Variants in LIMCH1 observed in about 807,000 individuals in gnomAD.
LIMCH1 encodes LIM and calponin homology domains-containing protein 1.
A neutral mutation model predicts 176.5 loss-of-function variants in LIMCH1; 113 were observed. The observed-to-expected ratio is 0.64, with a 90% CI of 0.55 to 0.75. The LOEUF is 0.75. LIMCH1 is among the 30% of genes least tolerant of loss of function. The pLI is 0.00. For missense variants in LIMCH1, 1,674 were observed against 1,814.9 expected (o/e 0.92, Z 1.41); for synonymous variants, 619 against 645.9 (o/e 0.96, Z 0.63).
At chr4:41,458,374 T>G (rs1433725110) in intron 1 of LIMCH1, among the ~76,000 whole-genome samples, 1 of 152,048 alleles carries the variant, frequency 6.6e-6, no homozygotes, top group African/African-American at 2.4e-5. Context: ...ACCTAGTAAT[T>G]GAATAGGGGT....
chr4:41,493,634 C>G lies in LIMCH1; in HGVS notation c.97-902C>G, dbSNP rs144219878. ...ATTTTTTATCAGAGACTTGAGCATT[C>G]ACAGATTTTGGTAGCCGAGATGGGT... On this transcript the variant is annotated intron_variant, in intron 1 of 26. Transcript: ENST00000313860. 4.1e-3 allele frequency among the ~76,000 whole-genome samples: 617 copies of G among 152,206 alleles called. 5 individuals are homozygous for G. Among genetic ancestry groups the G allele is most frequent in the African/African-American group, 0.014 (571 of 41,516 alleles).
In LIMCH1 at chr4:41,661,461, G is replaced by A; in HGVS notation, c.3078G>A (p.Lys1026=). Residue 1026 remains lysine (K), a synonymous_variant, in exon 19 of 32, where the codon AAG becomes AAA. Coordinates refer to ENST00000503057, the MANE Select transcript of LIMCH1 (RefSeq NM_001330672.2). ...EKTEPNSQED[K]NDGGKSRKGN... ...CGGAACCGAATAGTCAAGAGGACAA[G>A]AATGATGGTGGAAAATCAAGAAAAG... 6.2e-7 allele frequency: 1 copy of A among 1,613,344 alleles called. No homozygotes were observed. The highest frequency in any genetic ancestry group is 8.5e-7 in the Non-Finnish European group (1 of 1,179,716).
At chr4:41,484,238 A>G (rs147606818) in intron 1 of LIMCH1, among the ~76,000 whole-genome samples, 112 of 152,112 alleles carry the variant, frequency 7.4e-4, no homozygotes, top group Non-Finnish European at 1.3e-3. Context: ...CCATCAATCT[A>G]TTGTTTTCTA....
chr4:41,582,312 A>T (rs961600152), intron 1 of LIMCH1, among the ~76,000 whole-genome samples: 5 of 152,202 alleles, frequency 3.3e-5, no homozygotes, highest in African/African-American at 1.2e-4. Context: ...ACAGGCACAC[A>T]TGGAAAACTA....
intron 1 of LIMCH1, among the ~76,000 whole-genome samples, chr4:41,543,310 T>C (rs4438790): frequency 0.26 from 40,111 of 151,998 alleles, 5,576 homozygotes; most frequent in African/African-American, 0.31. Context: ...CATTTATAAG[T>C]TTAAACATAA....
chr4:41,365,824 C>T (rs2052883286), intron 1 of LIMCH1, among the ~76,000 whole-genome samples: 2 of 152,146 alleles, frequency 1.3e-5, no homozygotes, highest in South Asian at 2.1e-4. Context: ...AAAGGGGATG[C>T]GGAATGGGAG....
chr4:41,593,896 C>T (rs189060910), intron 1 of LIMCH1, among the ~76,000 whole-genome samples: 95 of 152,328 alleles, frequency 6.2e-4, no homozygotes, highest in Middle Eastern at 3.4e-3. Flanking sequence ...TTTGCTTTAT[C>T]TCTGTCTTCA....
intron 3 of LIMCH1, among the ~76,000 whole-genome samples, chr4:41,527,049 G>C (rs1310558295): frequency 6.6e-6 from 1 of 151,876 alleles, no homozygotes; most frequent in Non-Finnish European, 1.5e-5. Flanking sequence ...TGTCCATCAA[G>C]ATCTAACACA....
At chr4:41,367,303 A>G (rs533345643) in intron 1 of LIMCH1, among the ~76,000 whole-genome samples, 4 of 152,336 alleles carry the variant, frequency 2.6e-5, no homozygotes, top group East Asian at 3.9e-4. Flanking sequence ...AACTTGGCTG[A>G]TACCTTTTCC....
At chr4:41,597,123 T>C (rs1432581564) in intron 1 of LIMCH1, among the ~76,000 whole-genome samples, 2 of 152,170 alleles carry the variant, frequency 1.3e-5, no homozygotes, top group African/African-American at 4.8e-5. Context: ...TCCATGGCCT[T>C]CGAGGCGTCT....
chr4:41,469,340 C>G (rs1437240998), intron 1 of LIMCH1, among the ~76,000 whole-genome samples: 1 of 152,188 alleles, frequency 6.6e-6, no homozygotes, highest in Non-Finnish European at 1.5e-5. Flanking sequence ...TCATACTATG[C>G]TGGTCTATTT....
At chr4:41,616,313 AG>A (rs2152808520) in intron 5 of LIMCH1, among the ~76,000 whole-genome samples, 1 of 152,156 alleles carries the variant, frequency 6.6e-6, no homozygotes, top group South Asian at 2.1e-4. Flanking sequence ...AGATCACCTG[AG>A]GTCAGGAGTT....
intron 1 of LIMCH1, among the ~76,000 whole-genome samples, chr4:41,481,924 C>T (rs1430510917): frequency 6.6e-6 from 1 of 151,464 alleles, no homozygotes; most frequent in African/African-American, 2.4e-5. Context: ...AATCTCAGCT[C>T]ACTGCAACCT....
At chr4:41,547,276 G>T (rs1238547867) in intron 1 of LIMCH1, among the ~76,000 whole-genome samples, 1 of 151,998 alleles carries the variant, frequency 6.6e-6, no homozygotes, top group Non-Finnish European at 1.5e-5. Flanking sequence ...CTGGAATTTC[G>T]TGTGCTTTGA....
chr4:41,369,703 G>T (rs1365945829), intron 1 of LIMCH1, among the ~76,000 whole-genome samples: 1 of 151,508 alleles, frequency 6.6e-6, no homozygotes, highest in Non-Finnish European at 1.5e-5. Context: ...GTGGTGGGGG[G>T]ATTTGCCTCC....
At chr4:41,560,260 T>C (rs1375670833) in intron 1 of LIMCH1, among the ~76,000 whole-genome samples, 1 of 152,146 alleles carries the variant, frequency 6.6e-6, no homozygotes, top group Non-Finnish European at 1.5e-5. Flanking sequence ...ATCTACCTTT[T>C]CCTTTCTATT....
chr4:41,660,328 T>C (rs1305789384), intron 18 of LIMCH1, among the ~76,000 whole-genome samples: 1 of 152,152 alleles, frequency 6.6e-6, no homozygotes, highest in African/African-American at 2.4e-5. Context: ...AGCATAAAAC[T>C]GACACAATTG....
intron 1 of LIMCH1, among the ~76,000 whole-genome samples, chr4:41,541,936 C>T (rs1394664863): frequency 1.3e-5 from 2 of 152,196 alleles, no homozygotes; most frequent in Non-Finnish European, 2.9e-5. Flanking sequence ...TGAAAAGTCG[C>T]TCTGGTTTCT....
chr4:41,650,886 G>C (rs2094267523), intron 18 of LIMCH1, among the ~76,000 whole-genome samples: 1 of 152,114 alleles, frequency 6.6e-6, no homozygotes. Context: ...CTAGCCTCTG[G>C]TGGCTGCTGG....
Sources: gnomAD v4.1 joint callset for allele counts (sites outside exome capture counted in the v4.1 genomes callset) on GRCh38, gnomAD v4.1.1 for gene constraint, MANE v1.5 for transcripts, NCBI Gene and HGNC (gene_info 2026-07-23, HGNC 2026-07-21) for gene names.